DNAH7: variants seen among roughly 807,000 people sequenced by gnomAD.
DNAH7 encodes the protein axonemal beta dynein heavy chain 7.
A neutral mutation model predicts 444.6 loss-of-function variants in DNAH7; 397 were observed. That is an observed-to-expected ratio of 0.89 (90% confidence interval 0.82 to 0.97). The LOEUF is 0.97. Ranked by LOEUF, DNAH7 falls within the 50% of genes least tolerant of loss-of-function variation. The pLI is 0.00. For missense variants in DNAH7, 4,902 were observed against 4,800.8 expected, an observed-to-expected ratio of 1.02 and a Z score of -0.62; for synonymous variants, 1,636 against 1,624.4, an observed-to-expected ratio of 1.01 and a Z score of -0.17.
intron 17 of DNAH7, among the ~76,000 whole-genome samples, chr2:195,965,717 T>G (rs1691427205): frequency 1.3e-5 from 2 of 152,172 alleles, no homozygotes; most frequent in Admixed American, 1.3e-4. Context: ...TCTAGGAATT[T>G]AAGCATTTCC....
intron 19 of DNAH7, among the ~76,000 whole-genome samples, chr2:195,954,269 C>T (rs534301299): frequency 1.3e-5 from 2 of 152,256 alleles, no homozygotes; most frequent in South Asian, 2.1e-4. Context: ...TGAGTGAGAA[C>T]ATGTGGTGTT....
Position 195,884,643 on chromosome 2 carries a change from G to C in DNAH7, c.5705C>G (p.Ala1902Gly), listed in dbSNP as rs140376709. 53 of 1,614,150 alleles carry C rather than the reference G, an allele frequency of 3.3e-5. No homozygotes were observed. In the East Asian group the frequency reaches 1.2e-3, roughly 36 times the overall value. ...TTTTTCAGGAAATGGGACAGTTAGT[G>C]CCTTTGAGGATGTTTGCTCAGTACC... ...QSGTEQTSSK[A>G]LTVPFPEKGT... The change falls in exon 35 of 65, where the codon GCA becomes GGA. Residue 1902 changes from alanine (A) to glycine (G), a missense_variant. Ala to Gly is a moderately conservative substitution (Grantham distance 60). Transcript: ENST00000312428.
At chr2:195,894,389 A>G (rs892152687) in intron 30 of DNAH7, 1 of 152,186 alleles carries the variant, frequency 6.6e-6, no homozygotes, top group Non-Finnish European at 1.5e-5. Context: ...ATCATCACAA[A>G]CCTCATATAG....
At position 195,864,508 on chromosome 2, in the gene DNAH7, T is replaced by A. The variant is rs202062727; in HGVS notation, c.7147A>T (p.Ile2383Phe). ...TCACCTTCCGCACATTTCCTTAAGA[T>A]CACTTTTAAATCTTCATGCCATTCA... ...TTEWHEDLKV[I>F]LRKCAEGEMQ... is the part of the protein sequence containing the mutation. The change falls in exon 41 of 65, where the codon ATC (isoleucine) becomes TTC (phenylalanine). Residue 2383 changes from isoleucine (I) to phenylalanine (F), a missense_variant. Coordinates refer to ENST00000312428, the MANE Select transcript of DNAH7 (RefSeq NM_018897.3). 8.7e-5 allele frequency: 141 copies of A among 1,614,066 alleles called. No individual in the cohort carries two copies. Among genetic ancestry groups the A allele is most frequent in the Admixed American group, 6.8e-4 (41 of 59,998 alleles).
chr2:195,949,338 C>T (rs1690054651), intron 19 of DNAH7, among the ~76,000 whole-genome samples: 1 of 152,088 alleles, frequency 6.6e-6, no homozygotes, highest in Admixed American at 6.6e-5. Context: ...GGCTGGAGTG[C>T]AGTGGCACAA....
In DNAH7 at chr2:195,852,610, G is replaced by A. The variant is rs564491269; in HGVS notation, c.8781+733C>T. 1.3e-4 allele frequency among the ~76,000 whole-genome samples: 20 copies of A among 152,156 alleles called. No homozygotes were observed. The South Asian group carries it at 4.2e-3, about 32-fold the overall frequency. ...CTAAAAAGAGCTGAATAGTATGTTG[G>A]GTCTCTCATTCAGTAAAAACTAAAA... On this transcript the variant is annotated intron_variant, in intron 46 of 64. Transcript: ENST00000312428.
intron 61 of DNAH7, among the ~76,000 whole-genome samples, chr2:195,763,898 C>T (rs1484775350): frequency 6.6e-6 from 1 of 151,780 alleles, no homozygotes; most frequent in Non-Finnish European, 1.5e-5. Flanking sequence ...ATTACTTTTA[C>T]CAAAACCAGA....
At chr2:195,878,756 T>C (rs1212376681) in intron 36 of DNAH7, among the ~76,000 whole-genome samples, 2 of 152,136 alleles carry the variant, frequency 1.3e-5, no homozygotes, top group Non-Finnish European at 2.9e-5. Flanking sequence ...ATGTAATTAA[T>C]ATAAAAAACT....
At chr2:196,013,797 T>C (rs898034146) in intron 9 of DNAH7, among the ~76,000 whole-genome samples, 1 of 152,202 alleles carries the variant, frequency 6.6e-6, no homozygotes, top group Non-Finnish European at 1.5e-5. Flanking sequence ...TAATAGCACA[T>C]AGTAAACATG....
intron 54 of DNAH7, among the ~76,000 whole-genome samples, chr2:195,805,412 T>G (rs959398625): frequency 6.6e-6 from 1 of 152,164 alleles, no homozygotes; most frequent in Admixed American, 6.5e-5. Flanking sequence ...GCATCTCATA[T>G]TCTCCCATCT....
chr2:195,872,332 G>A lies in DNAH7; in HGVS notation c.6551C>T (p.Ser2184Phe). Residue 2184 changes from serine (S) to phenylalanine (F), a missense_variant, in exon 40 of 65, where the codon TCC (serine) becomes TTC (phenylalanine). Transcript: ENST00000312428. ...SHYLFNLRDF[S>F]RVIQGVCLSR... Reference sequence around the variant, plus strand: ...CAAACAAACACCTTGAATGACACGGGAGAAATCACGGAGGTTGAACAAGTA... The same window carrying A: ...CAAACAAACACCTTGAATGACACGGAAGAAATCACGGAGGTTGAACAAGTA... 6.2e-7 allele frequency: 1 copy of A among 1,613,922 alleles called. No homozygotes were observed. The highest frequency in any genetic ancestry group is 1.1e-5 in the South Asian group (1 of 91,068).
rs546652362 is a variant in DNAH7 at position 195,935,446 on chromosome 2, C to T, written c.3273-657G>A. The stretch of plus-strand genomic sequence containing the variant: ...TTTTGTTTAGATTACATATCCCCTA[C>T]TTTGAAGGCACAAGTTAACAAAATT... On this transcript the variant is annotated intron_variant, in intron 20 of 64. Transcript: ENST00000312428. Among the ~76,000 whole-genome samples, 13 of 152,268 alleles carry T rather than the reference C, an allele frequency of 8.5e-5. No individual in the cohort carries two copies. The South Asian group carries it at 2.5e-3, about 29-fold the overall frequency.
At chr2:195,889,015 C>T (rs185965329) in intron 31 of DNAH7, 34 bp from the exon 32 acceptor site, 61 of 1,544,836 alleles carry the variant, frequency 3.9e-5, no homozygotes, top group East Asian at 1.2e-4. Flanking sequence ...AGGGCAAAAA[C>T]GTAATGATGA....
chr2:195,968,778 CCTG>C (rs1367745526), intron 17 of DNAH7, among the ~76,000 whole-genome samples: 2 of 152,216 alleles, frequency 1.3e-5, no homozygotes, highest in Non-Finnish European at 2.9e-5. Context: ...AGTGGCACGG[CCTG>C]CTGAGAAATT....
chr2:195,919,580 A>C (rs1574769857), intron 24 of DNAH7, among the ~76,000 whole-genome samples: 2 of 152,260 alleles, frequency 1.3e-5, no homozygotes, highest in Admixed American at 1.3e-4. Flanking sequence ...CCTGGGCTCA[A>C]ATGATCCATC....
intron 10 of DNAH7, 150 bp downstream of exon 10, chr2:196,012,635 TAC>T: frequency 3.7e-6 from 3 of 804,698 alleles, no homozygotes; most frequent in Non-Finnish European, 5.5e-6. Flanking sequence ...GGACAAATAT[TAC>T]AGACTAAGAT....
chr2:196,068,167 T>C lies in DNAH7; in HGVS notation c.15+530A>G, dbSNP rs140613739. On this transcript the variant is annotated intron_variant, in intron 1 of 64. Coordinates refer to ENST00000312428, the MANE Select transcript of DNAH7 (RefSeq NM_018897.3). ...GTCACTTACCAAGGCCTTTCATGTA[T>C]AGTATAATATTGTATAGTTATGGTA... 5.2e-4 allele frequency among the ~76,000 whole-genome samples: 79 copies of C among 152,366 alleles called. No homozygotes were observed. In the South Asian group the frequency reaches 0.016, roughly 30 times the overall value.
intron 8 of DNAH7, among the ~76,000 whole-genome samples, chr2:196,023,897 A>C (rs895806705): frequency 2.6e-5 from 4 of 152,110 alleles, no homozygotes; most frequent in African/African-American, 9.7e-5. Flanking sequence ...TGTCTCAGGG[A>C]ATTAGGGAGG....
intron 49 of DNAH7, 115 bp from the exon 50 acceptor site, chr2:195,817,944 T>C (rs761841344): frequency 1.6e-5 from 11 of 684,266 alleles, no homozygotes; most frequent in Non-Finnish European, 2.4e-5. Context: ...ATGGTAGTAC[T>C]TGTGAAGGTG....
Sources: allele counts gnomAD v4.1 joint callset (sites outside exome capture counted in the v4.1 genomes callset), GRCh38; gene constraint gnomAD v4.1.1; transcripts MANE v1.5; gene names NCBI Gene and HGNC (gene_info 2026-07-23, HGNC 2026-07-21).